Variants in TPTE2 observed in about 807,000 individuals in gnomAD.
The protein encoded by TPTE2 is phosphatidylinositol 3,4,5-trisphosphate 3-phosphatase TPTE2.
In TPTE2, 53 loss-of-function variants were observed where a neutral mutation model predicts 78.6. The ratio of observed to expected loss-of-function variants is 0.67; its 90% confidence interval spans 0.54 to 0.85. The LOEUF (loss-of-function observed/expected upper bound fraction) is 0.85, where lower values mean the gene tolerates loss of function less well. Among genes scored for constraint, TPTE2 ranks in the 40% least tolerant of loss-of-function variants. The pLI is 0.00. For missense variants in TPTE2, 461 were observed against 623.0 expected (o/e 0.74, Z 2.77); for synonymous variants, 175 against 206.2 (o/e 0.85, Z 1.30).
chr13:19,560,352 T>C, the TPTE2 span: 26 of 1,590,146 alleles, frequency 1.6e-5, no homozygotes, highest in Non-Finnish European at 1.9e-5. Flanking sequence ...GCCGCACCAG[T>C]TGCAGCAGGG....
At chr13:19,506,189 T>TTTTTTTTTTTTTTTA, upstream of TPTE2, among the ~76,000 whole-genome samples, 2 of 127,952 alleles carry the variant, frequency 1.6e-5, no homozygotes, top group South Asian at 2.9e-4. Context: ...TTTTTTTTTT[T>TTTTTTTTTTTTTTTA]GAGACGGAGT....
chr13:19,432,154 C>T (rs1876692191), intron 16 of TPTE2, among the ~76,000 whole-genome samples: 1 of 38,024 alleles, frequency 2.6e-5, no homozygotes, highest in African/African-American at 6.9e-5. Flanking sequence ...CCTCCTCCTC[C>T]CTCATCAGAG....
chr13:19,442,871 A>G (rs2137510251), intron 13 of TPTE2, among the ~76,000 whole-genome samples: 1 of 152,276 alleles, frequency 6.6e-6, no homozygotes, highest in Admixed American at 6.5e-5. Context: ...TTATAAAAAC[A>G]TTCTATATAG....
chr13:19,489,397 C>T (rs1880848860), intron 3 of TPTE2, among the ~76,000 whole-genome samples: 1 of 151,542 alleles, frequency 6.6e-6, no homozygotes, highest in Non-Finnish European at 1.5e-5. Context: ...GATATACCTG[C>T]ATATACACAC....
chr13:19,467,777 C>T (rs2095132719), intron 6 of TPTE2, among the ~76,000 whole-genome samples: 3 of 151,920 alleles, frequency 2.0e-5, no homozygotes, highest in Admixed American at 6.6e-5. Context: ...GTAGGCGTTA[C>T]TCATTCTATT....
chr13:19,532,367 C>T (rs1870939631), intron 1 of TPTE2, among the ~76,000 whole-genome samples: 1 of 152,042 alleles, frequency 6.6e-6, no homozygotes, highest in African/African-American at 2.4e-5. Flanking sequence ...TATAAAAGGG[C>T]TTGAAAGAGG....
At chr13:19,545,958 G>A in the TPTE2 span, among the ~76,000 whole-genome samples, 1 of 152,150 alleles carries the variant, frequency 6.6e-6, no homozygotes, top group Non-Finnish European at 1.5e-5. Context: ...CAGGAGGATA[G>A]TTTGAAGCCA....
chr13:19,533,198 CA>C (rs2137750468), intron 1 of TPTE2, among the ~76,000 whole-genome samples: 1 of 152,274 alleles, frequency 6.6e-6, no homozygotes, highest in Admixed American at 6.5e-5. Context: ...AGAGAAAACT[CA>C]TTAAGAGTGT....
chr13:19,503,706 G>A (rs904513501), upstream of TPTE2, among the ~76,000 whole-genome samples: 1 of 152,114 alleles, frequency 6.6e-6, no homozygotes, highest in Non-Finnish European at 1.5e-5. Context: ...CTGAGTCAAG[G>A]ACACAATCCA....
chr13:19,527,425 T>C (rs921916535), intron 1 of TPTE2, among the ~76,000 whole-genome samples: 6 of 152,134 alleles, frequency 3.9e-5, no homozygotes, highest in Non-Finnish European at 5.9e-5. Flanking sequence ...CTGTACCCCA[T>C]AAATATGTAC....
intron 16 of TPTE2, 29 bp from the exon 20 acceptor site, chr13:19,430,576 T>A: frequency 6.5e-7 from 1 of 1,549,510 alleles, no homozygotes; most frequent in Non-Finnish European, 8.8e-7. Context: ...ATTAAAAAGT[T>A]AGGTTGGTTA....
At chr13:19,485,297 T>C (rs1880599517) in intron 3 of TPTE2, among the ~76,000 whole-genome samples, 1 of 152,146 alleles carries the variant, frequency 6.6e-6, no homozygotes, top group South Asian at 2.1e-4. Flanking sequence ...TATGTCTTCT[T>C]CATTTGTAAA....
chr13:19,443,397 C>CTTTTTTTTTTTTTTTTTT, intron 13 of TPTE2, among the ~76,000 whole-genome samples: 1 of 129,914 alleles, frequency 7.7e-6, no homozygotes, highest in Non-Finnish European at 1.6e-5. Flanking sequence ...TTCTTTCTTT[C>CTTTTTTTTTTTTTTTTTT]TTTTTTTTTT....
At chr13:19,430,546 A>C (rs1207375835) in exon 17 of TPTE2, 1 of 1,606,594 alleles carries the variant, frequency 6.2e-7, no homozygotes, top group Admixed American at 1.7e-5. Context: ...CACATACATC[A>C]CCTGTTCCAA....
intron 1 of TPTE2, among the ~76,000 whole-genome samples, chr13:19,502,733 G>A (rs1030333762): frequency 6.6e-6 from 1 of 151,532 alleles, no homozygotes; most frequent in African/African-American, 2.4e-5. Flanking sequence ...CACCAGCATG[G>A]CACATGTATA....
At chr13:19,492,982 C>A in intron 2 of TPTE2, 79 bp from the exon 6 acceptor site, 3 of 1,574,206 alleles carry the variant, frequency 1.9e-6, no homozygotes, top group Non-Finnish European at 2.6e-6. Flanking sequence ...GCTTTTATTA[C>A]TCTAGACAGA....
intron 13 of TPTE2, among the ~76,000 whole-genome samples, chr13:19,445,169 C>T (rs1040602723): frequency 6.6e-6 from 1 of 152,074 alleles, no homozygotes; most frequent in African/African-American, 2.4e-5. Context: ...AGGCAAATCA[C>T]AGAGCAGAAA....
intron 13 of TPTE2, among the ~76,000 whole-genome samples, chr13:19,445,492 A>C (rs1297283386): frequency 6.6e-6 from 1 of 152,210 alleles, no homozygotes; most frequent in Non-Finnish European, 1.5e-5. Context: ...CTACAATACC[A>C]GTGGAGTAAA....
chr13:19,437,598 C>G (rs959469268), intron 14 of TPTE2, among the ~76,000 whole-genome samples: 37 of 152,108 alleles, frequency 2.4e-4, no homozygotes, highest in South Asian at 2.1e-4. Flanking sequence ...ACTATTCTCA[C>G]GAGGAAGGAA....
Sources: gnomAD v4.1 joint callset for allele counts (sites outside exome capture counted in the v4.1 genomes callset) on GRCh38, gnomAD v4.1.1 for gene constraint, MANE v1.5 for transcripts, NCBI Gene and HGNC (gene_info 2026-07-23, HGNC 2026-07-21) for gene names.